Variants in FLYWCH1 observed in about 807,000 individuals in gnomAD.
The protein encoded by FLYWCH1 is FLYWCH-type zinc finger-containing protein 1.
Under a neutral mutation model 66.4 loss-of-function variants are expected in FLYWCH1, and 75 were observed. The ratio of observed to expected loss-of-function variants is 1.13; its 90% CI spans 0.94 to 1.37. FLYWCH1 has a LOEUF of 1.37. FLYWCH1 is among the 40% of genes most tolerant of loss of function. FLYWCH1 has a pLI of 0.00. For missense variants in FLYWCH1, 1,334 were observed against 1,001.8 expected, an observed-to-expected ratio of 1.33 and a Z score of -4.48; for synonymous variants, 595 against 429.9, an observed-to-expected ratio of 1.38 and a Z score of -4.75.
In FLYWCH1 at chr16:2,938,457, G is replaced by T; in HGVS notation, c.2050+1G>T. 1 of 1,519,776 alleles carries T rather than the reference G, an allele frequency of 6.6e-7. No homozygotes were observed. The highest frequency in any genetic ancestry group is 2.2e-5 in the Admixed American group (1 of 45,918). The allele number at this position is 1,519,776 out of a possible 1,614,324, so 94.1% of individuals were successfully genotyped here. On this transcript the variant is annotated splice_donor_variant, in intron 8 of 9. Transcript: ENST00000253928. LOFTEE classifies it high-confidence loss of function. ...ACCACGGCCCAGCAGGAGGACCCAG[G>T]TACAGGCAGGCTGTGGGGCAGAGGC...
At chr16:2,936,079 T>G in intron 6 of FLYWCH1, 2 of 242,646 alleles carry the variant, frequency 8.2e-6, no homozygotes, top group South Asian at 8.9e-5. Flanking sequence ...CCAGCTAATT[T>G]TTTGTATTTT....
rs747322764 is a variant in FLYWCH1 at position 2,933,258 on chromosome 16, C to A, written c.925C>A (p.Leu309Met). Residue 309 changes from leucine to methionine, a missense_variant, in exon 5 of 10, where the codon CTG (leucine) becomes ATG (methionine). By Grantham distance (15) the Leu-to-Met change is conservative. Coordinates refer to ENST00000253928, the MANE Select transcript of FLYWCH1 (RefSeq NM_001308068.2). ...KVYWTCRDHA[L>M]HGCRSRAITQ... ...GTATTGGACCTGCCGGGACCACGCGCTGCACGGCTGCCGGAGCCGGGCCAT... is the reference window on the plus strand; with the variant it reads ...GTATTGGACCTGCCGGGACCACGCGATGCACGGCTGCCGGAGCCGGGCCAT... 1 of 1,613,240 alleles carries A rather than the reference C, an allele frequency of 6.2e-7. No homozygotes were observed. The highest frequency in any genetic ancestry group is 1.3e-5 in the African/African-American group (1 of 74,884).
At chr16:2,947,530 G>A (rs2071534196) in intron 9 of FLYWCH1, among the ~76,000 whole-genome samples, 1 of 152,208 alleles carries the variant, frequency 6.6e-6, no homozygotes, top group Admixed American at 6.5e-5. Context: ...GGAGGCTGAG[G>A]AAGGTGGATC....
In FLYWCH1 at chr16:2,937,341, G is replaced by T; in HGVS notation, c.1734G>T (p.Arg578=). 1 of 1,594,772 alleles carries T rather than the reference G, an allele frequency of 6.3e-7. No individual in the cohort carries two copies. Among genetic ancestry groups the T allele is most frequent in the Non-Finnish European group, 8.5e-7 (1 of 1,170,732 alleles). ...ACCTGGGCGGCCTGGAGGCCCTGCGGCAGCGGGAGCACTTCCCCAACCTGG... is the reference window on the plus strand; with the variant it reads ...ACCTGGGCGGCCTGGAGGCCCTGCGTCAGCGGGAGCACTTCCCCAACCTGG... ...PPDLGGLEAL[R]QREHFPNLAQ... Residue 578 remains arginine (R), a synonymous_variant, in exon 7 of 10, where the codon CGG becomes CGT. Coordinates refer to ENST00000253928, the MANE Select transcript of FLYWCH1 (RefSeq NM_001308068.2).
chr16:2,929,564 A>T, intron 2 of FLYWCH1, 49 bp from the exon 3 acceptor site: 1 of 1,282,084 alleles, frequency 7.8e-7, no homozygotes, highest in Non-Finnish European at 1.1e-6. Context: ...CCACGTCTAG[A>T]GTCCCCCAAG....
At chr16:2,912,488 C>T (rs186706387) in intron 1 of FLYWCH1, among the ~76,000 whole-genome samples, 8 of 152,386 alleles carry the variant, frequency 5.2e-5, no homozygotes, top group African/African-American at 1.4e-4. Flanking sequence ...CGGGCGGTCC[C>T]AGTGACCTTG....
At chr16:2,917,391 A>G (rs34594852) in intron 2 of FLYWCH1, among the ~76,000 whole-genome samples, 86,814 of 150,528 alleles carry the variant, frequency 0.58, 25,246 homozygotes, top group Middle Eastern at 0.62. Context: ...CACGACGCCC[A>G]GCTAATTTTG....
At chr16:2,915,591 A>G (rs983398161) in intron 2 of FLYWCH1, 10 of 152,168 alleles carry the variant, frequency 6.6e-5, no homozygotes, top group Admixed American at 1.3e-4. Flanking sequence ...TCCTAAAATC[A>G]TTAGGTTCCA....
chr16:2,937,462 G>A lies in FLYWCH1; in HGVS notation c.1777+78G>A, dbSNP rs566977331. 2.6e-4 allele frequency: 371 copies of A among 1,418,540 alleles called. 2 individuals are homozygous for A. In the African/African-American group the frequency reaches 5.5e-3, roughly 21 times the overall value. 87.9% of individuals were successfully genotyped at this position (1,418,540 alleles called of 1,614,324 possible). A position where few individuals can be genotyped will look rare whatever the true frequency, so the allele number is the denominator to read the frequency against. ...CCCACACGCTGGCTGGAGGCTGCCC[G>A]TGGGGTGTTGTGTGTTGTGCATGGT... is the stretch of plus-strand genomic sequence containing the variant. On this transcript the variant is annotated intron_variant, in intron 7 of 9. Coordinates refer to ENST00000253928, the MANE Select transcript of FLYWCH1 (RefSeq NM_001308068.2).
At chr16:2,936,267 C>T (rs1314549962) in intron 6 of FLYWCH1, 2 of 389,426 alleles carry the variant, frequency 5.1e-6, no homozygotes, top group African/African-American at 4.2e-5. Context: ...CATGGTCACA[C>T]CACCCCCTCC....
In FLYWCH1 at chr16:2,941,978, CAG is replaced by C. The variant is rs2071279922; in HGVS notation, c.2111+1889_2111+1890del. Among the ~76,000 whole-genome samples, 7 of 101,246 alleles carry C rather than the reference CAG, an allele frequency of 6.9e-5. No homozygotes were observed. The South Asian group carries it at 2.5e-3, about 36-fold the overall frequency. 66.4% of individuals were successfully genotyped at this position (101,246 alleles called of 152,430 possible). On this transcript the variant is annotated intron_variant, in intron 9 of 9. Coordinates refer to ENST00000253928, the MANE Select transcript of FLYWCH1 (RefSeq NM_001308068.2). ...CGCCACTGCACTCCAGCCTGGGCGA[CAG>C]AGCAAGACTCATCTCAAAAAAAAAA...
At chr16:2,924,604 T>A (rs528001326) in intron 2 of FLYWCH1, among the ~76,000 whole-genome samples, 1 of 152,286 alleles carries the variant, frequency 6.6e-6, no homozygotes, top group South Asian at 2.1e-4. Flanking sequence ...CTCAGGGCCC[T>A]GGCCCGTGAG....
In FLYWCH1 at chr16:2,933,752, G is replaced by T; in HGVS notation, c.1286G>T (p.Ser429Ile). Residue 429 changes from serine to isoleucine, a missense_variant, in exon 6 of 10, where the codon AGC becomes ATC. Ser to Ile is a moderately radical substitution (Grantham distance 142, BLOSUM62 -2). Transcript: ENST00000253928. ...PEFLKTPLGG[S>I]FLVYESFLYR... is the part of the protein sequence containing the mutation. ...TTCCTGAAGACGCCCCTGGGGGGCA[G>T]CTTCCTGGTGTACGAGTCCTTCCTC... is the stretch of plus-strand genomic sequence containing the variant. 1.2e-6 allele frequency: 2 copies of T among 1,613,256 alleles called. No homozygotes were observed. The highest frequency in any genetic ancestry group is 1.1e-5 in the South Asian group (1 of 90,974).
chr16:2,916,560 C>G (rs1567317892), intron 2 of FLYWCH1, among the ~76,000 whole-genome samples: 1 of 151,960 alleles, frequency 6.6e-6, no homozygotes, highest in East Asian at 1.9e-4. Flanking sequence ...TGGCGTGAAC[C>G]CAGGAGACAG....
At chr16:2,948,222 C>A (rs542281760) in intron 9 of FLYWCH1, among the ~76,000 whole-genome samples, 3 of 152,034 alleles carry the variant, frequency 2.0e-5, no homozygotes, top group African/African-American at 7.2e-5. Flanking sequence ...CACGAAGCAA[C>A]CTCATGTTGT....
At chr16:2,944,411 AG>A (rs2071396495) in intron 9 of FLYWCH1, among the ~76,000 whole-genome samples, 1 of 149,270 alleles carries the variant, frequency 6.7e-6, no homozygotes, top group African/African-American at 2.4e-5. Context: ...AAAAAAAAAA[AG>A]ATCACATACA....
chr16:2,934,714 G>A (rs149464344), intron 6 of FLYWCH1: 1 of 454,622 alleles, frequency 2.2e-6, no homozygotes, highest in African/African-American at 2.0e-5. Context: ...TGAGAGCTGT[G>A]ATTGTCTTTC....
chr16:2,941,004 G>A (rs774069501), intron 9 of FLYWCH1, among the ~76,000 whole-genome samples: 2 of 152,186 alleles, frequency 1.3e-5, no homozygotes, highest in African/African-American at 2.4e-5. Flanking sequence ...GGTGGTACAT[G>A]CATGTAATCC....
intron 9 of FLYWCH1, among the ~76,000 whole-genome samples, chr16:2,946,361 C>T (rs893345507): frequency 5.0e-5 from 7 of 141,246 alleles, no homozygotes; most frequent in Non-Finnish European, 7.5e-5. Context: ...TCGTTCTGTC[C>T]CCCAGGCTGG....
Sources: gnomAD v4.1 joint callset for allele counts (sites outside exome capture counted in the v4.1 genomes callset) on GRCh38, gnomAD v4.1.1 for gene constraint, MANE v1.5 for transcripts, NCBI Gene and HGNC (gene_info 2026-07-23, HGNC 2026-07-21) for gene names.